LRMDA: variants seen among roughly 807,000 people sequenced by gnomAD.
The protein encoded by LRMDA is leucine rich melanocyte differentiation associated.
In LRMDA, 18 loss-of-function variants were observed where a neutral mutation model predicts 29.8. That is an observed-to-expected ratio of 0.60 (90% CI 0.42 to 0.90). The LOEUF (loss-of-function observed/expected upper bound fraction) is 0.90. Among genes scored for constraint, LRMDA ranks in the 40% least tolerant of loss-of-function variants. The pLI is 0.00. For synonymous variants in LRMDA, 125 were observed against 109.4 expected (o/e 1.14, Z -0.89); for missense variants, 273 against 273.9 (o/e 1.00, Z 0.02).
At chr10:75,457,701 A>G (rs1844536565) in intron 2 of LRMDA, among the ~76,000 whole-genome samples, 1 of 152,170 alleles carries the variant, frequency 6.6e-6, no homozygotes. Flanking sequence ...TATCTCAGAT[A>G]TGTTTTAGTC....
chr10:75,515,132 G>A (rs536589554), intron 2 of LRMDA, among the ~76,000 whole-genome samples: 10 of 152,284 alleles, frequency 6.6e-5, no homozygotes, highest in East Asian at 1.9e-4. Context: ...CAGATGGCAC[G>A]TATTTTATGA....
chr10:76,132,815 C>CG (rs369408716), intron 5 of LRMDA, among the ~76,000 whole-genome samples: 3,206 of 147,400 alleles, frequency 0.022, 43 homozygotes, highest in African/African-American at 0.038. Flanking sequence ...TCTTTTTTGG[C>CG]GGGGGGGGTC....
chr10:76,509,552 A>T lies in LRMDA; in HGVS notation c.602-47657A>T, dbSNP rs563104006. On this transcript the variant is annotated intron_variant, in intron 6 of 6. Transcript: ENST00000611255. ...GATCAGCATCCCAACTTCTTGGAAT[A>T]TGCCAGACAGTAATAAATGTAACAG... Among the ~76,000 whole-genome samples, 15 of 152,368 alleles carry T rather than the reference A, an allele frequency of 9.8e-5. No individual in the cohort carries two copies. The South Asian group carries it at 3.1e-3, about 32-fold the overall frequency.
intron 2 of LRMDA, among the ~76,000 whole-genome samples, chr10:75,768,344 C>T (rs1329692187): frequency 6.6e-6 from 1 of 152,164 alleles, no homozygotes; most frequent in Non-Finnish European, 1.5e-5. Context: ...CTTTGCTGTG[C>T]ATTATCTATT....
At chr10:75,644,786 G>C (rs187987334) in intron 2 of LRMDA, among the ~76,000 whole-genome samples, 26 of 152,244 alleles carry the variant, frequency 1.7e-4, no homozygotes, top group African/African-American at 5.8e-4. Flanking sequence ...TCCTGGAAAG[G>C]ATGTAAACCT....
At chr10:76,335,180 C>G (rs1840952473) in intron 6 of LRMDA, among the ~76,000 whole-genome samples, 1 of 152,246 alleles carries the variant, frequency 6.6e-6, no homozygotes, top group African/African-American at 2.4e-5. Context: ...TTCTACATTT[C>G]CAGTTAGCTT....
intron 5 of LRMDA, among the ~76,000 whole-genome samples, chr10:76,256,587 G>C (rs2132303565): frequency 6.6e-6 from 1 of 152,238 alleles, no homozygotes; most frequent in Middle Eastern, 3.4e-3. Flanking sequence ...TGTATATTCT[G>C]TTATCACCAT....
At chr10:76,430,211 A>G (rs1490517590) in intron 6 of LRMDA, among the ~76,000 whole-genome samples, 1 of 152,150 alleles carries the variant, frequency 6.6e-6, no homozygotes, top group Non-Finnish European at 1.5e-5. Flanking sequence ...CGGCAGTATC[A>G]TTCAGAAGAT....
intron 2 of LRMDA, among the ~76,000 whole-genome samples, chr10:75,912,594 G>A (rs971880657): frequency 2.0e-5 from 3 of 152,148 alleles, no homozygotes; most frequent in Non-Finnish European, 4.4e-5. Context: ...GTAGTTCAGG[G>A]TACATTAGGG....
At chr10:76,363,647 T>C (rs1275942482) in intron 6 of LRMDA, among the ~76,000 whole-genome samples, 3 of 152,126 alleles carry the variant, frequency 2.0e-5, no homozygotes, top group Non-Finnish European at 4.4e-5. Context: ...CTGCCTTCCT[T>C]CATTCCTTTT....
intron 6 of LRMDA, among the ~76,000 whole-genome samples, chr10:76,419,052 A>C (rs1280344296): frequency 1.3e-5 from 2 of 152,092 alleles, no homozygotes; most frequent in Non-Finnish European, 2.9e-5. Context: ...AAAGTGGTAC[A>C]TTTGTTACAA....
chr10:76,156,741 C>G (rs530113965), intron 5 of LRMDA, among the ~76,000 whole-genome samples: 11 of 152,258 alleles, frequency 7.2e-5, no homozygotes, highest in African/African-American at 2.6e-4. Flanking sequence ...CATGATAGCT[C>G]AAGATGACAT....
intron 6 of LRMDA, among the ~76,000 whole-genome samples, chr10:76,379,594 T>C (rs1248880096): frequency 6.6e-6 from 1 of 152,158 alleles, no homozygotes; most frequent in African/African-American, 2.4e-5. Flanking sequence ...TTGTGCTTAT[T>C]TGACTTTTCT....
chr10:76,292,498 C>T (rs140835041), intron 5 of LRMDA, among the ~76,000 whole-genome samples: 96 of 152,232 alleles, frequency 6.3e-4, no homozygotes, highest in Non-Finnish European at 1.1e-3. Flanking sequence ...GGGCAATTTG[C>T]TTGAAATGTA....
At chr10:76,136,190 T>C (rs916301416) in intron 5 of LRMDA, among the ~76,000 whole-genome samples, 14 of 152,206 alleles carry the variant, frequency 9.2e-5, no homozygotes, top group African/African-American at 2.7e-4. Flanking sequence ...ATTTATGAAG[T>C]CAATGAACTC....
At chr10:75,750,813 G>A (rs1363900811) in intron 2 of LRMDA, among the ~76,000 whole-genome samples, 1 of 149,210 alleles carries the variant, frequency 6.7e-6, no homozygotes, top group Non-Finnish European at 1.5e-5. Flanking sequence ...CCGGGAAGAG[G>A]CGCTCCTCAC....
At chr10:76,450,545 A>C (rs1373250839) in intron 6 of LRMDA, among the ~76,000 whole-genome samples, 1 of 152,044 alleles carries the variant, frequency 6.6e-6, no homozygotes, top group Non-Finnish European at 1.5e-5. Flanking sequence ...TTTTGTGATA[A>C]ATTTTCTGTT....
At chr10:75,588,058 C>A (rs1358115004) in intron 2 of LRMDA, among the ~76,000 whole-genome samples, 1 of 152,210 alleles carries the variant, frequency 6.6e-6, no homozygotes, top group Non-Finnish European at 1.5e-5. Context: ...AAACTGGACC[C>A]TGTTTCCCTT....
At chr10:76,322,743 T>C (rs962408569) in intron 5 of LRMDA, among the ~76,000 whole-genome samples, 11 of 151,868 alleles carry the variant, frequency 7.2e-5, no homozygotes, top group Non-Finnish European at 1.5e-4. Flanking sequence ...TTTTTGGGTC[T>C]TTTTTTTAGC....
Sources: allele counts gnomAD v4.1 joint callset (sites outside exome capture counted in the v4.1 genomes callset), GRCh38; gene constraint gnomAD v4.1.1; transcripts MANE v1.5; gene names NCBI Gene and HGNC (gene_info 2026-07-23, HGNC 2026-07-21).